The following SORCS2 variants were observed in gnomAD, a reference collection of about 807,000 sequenced individuals.
The protein encoded by SORCS2 is sortilin related VPS10 domain containing receptor 2.
In SORCS2, 100 loss-of-function variants were observed where a neutral mutation model predicts 141.6. The observed-to-expected ratio is 0.71, with a 90% confidence interval of 0.60 to 0.83. SORCS2 has a LOEUF of 0.83. Ranked by LOEUF, SORCS2 falls within the 40% of genes least tolerant of loss-of-function variation. The probability of loss-of-function intolerance (pLI) is 0.00; values close to 1 mark genes in which losing one functional copy is unlikely to be tolerated. For synonymous variants in SORCS2, 789 were observed against 676.9 expected, an observed-to-expected ratio of 1.17 and a Z score of -2.57; for missense variants, 1,646 against 1,560.2, an observed-to-expected ratio of 1.05 and a Z score of -0.93.
chr4:7,674,019 G>A (rs548740566), intron 8 of SORCS2, among the ~76,000 whole-genome samples: 1 of 152,202 alleles, frequency 6.6e-6, no homozygotes, highest in East Asian at 1.9e-4. Context: ...AGGGAGGAAG[G>A]GGGAGCTGAG....
intron 1 of SORCS2, among the ~76,000 whole-genome samples, chr4:7,379,156 C>T (rs556511453): frequency 4.0e-4 from 61 of 152,268 alleles, no homozygotes; most frequent in East Asian, 3.9e-3. Context: ...GAGGCACATC[C>T]GAGTATGGGC....
At chr4:7,514,970 T>C (rs935305887) in intron 2 of SORCS2, among the ~76,000 whole-genome samples, 3 of 152,108 alleles carry the variant, frequency 2.0e-5, no homozygotes, top group African/African-American at 4.8e-5. Context: ...CCAGGAATGG[T>C]CAGGGGCCAG....
rs1162081454 is a variant in SORCS2 at position 7,579,452 on chromosome 4, G to A, written c.648+47823G>A. 4.6e-5 allele frequency among the ~76,000 whole-genome samples: 7 copies of A among 152,124 alleles called. No homozygotes were observed. The East Asian group carries it at 1.4e-3, about 29-fold the overall frequency. On this transcript the variant is annotated intron_variant, in intron 3 of 26. Coordinates refer to ENST00000507866, the MANE Select transcript of SORCS2 (RefSeq NM_020777.3). ...AAATCCATGTATAGCTGAGCAAACT[G>A]AGGCTCAGAGAACTGATTCTCCCCC...
intron 1 of SORCS2, among the ~76,000 whole-genome samples, chr4:7,195,337 A>T (rs946983293): frequency 3.3e-5 from 5 of 152,176 alleles, no homozygotes; most frequent in Non-Finnish European, 5.9e-5. Flanking sequence ...GAGGTGTGGC[A>T]CACCGGGCAT....
chr4:7,646,726 A>G (rs910947062), intron 4 of SORCS2, among the ~76,000 whole-genome samples: 1 of 151,334 alleles, frequency 6.6e-6, no homozygotes, highest in Admixed American at 6.6e-5. Flanking sequence ...GGAGAAACCA[A>G]CCCTGCCGAT....
intron 2 of SORCS2, among the ~76,000 whole-genome samples, chr4:7,440,697 AC>A (rs959426404): frequency 6.6e-6 from 1 of 151,870 alleles, no homozygotes. Context: ...CTCCCTGCCC[AC>A]CCTCATGCTG....
At chr4:7,427,932 A>G (rs946593378) in intron 2 of SORCS2, among the ~76,000 whole-genome samples, 2 of 151,844 alleles carry the variant, frequency 1.3e-5, no homozygotes, top group African/African-American at 4.8e-5. Flanking sequence ...TCCGAACCAT[A>G]TCACCACCCC....
At chr4:7,421,303 G>A (rs1726030384) in intron 2 of SORCS2, among the ~76,000 whole-genome samples, 1 of 152,194 alleles carries the variant, frequency 6.6e-6, no homozygotes. Context: ...CTGCTCTAGA[G>A]GGATTGCATG....
intron 3 of SORCS2, among the ~76,000 whole-genome samples, chr4:7,615,226 C>A (rs1201442971): frequency 6.6e-6 from 1 of 152,214 alleles, no homozygotes; most frequent in Non-Finnish European, 1.5e-5. Context: ...CCTGGCACTG[C>A]TGTAGTTTCT....
rs1246133254 is a variant in SORCS2, at chr4:7,276,967, G to A, written c.480+83841G>A. On this transcript the variant is annotated intron_variant, in intron 1 of 26. Transcript: ENST00000507866. ...CTCTGAATCTCATGACCAGTGGGCC[G>A]TTCTGTCCACACTAGAGTGACCCTG... 7.2e-5 allele frequency among the ~76,000 whole-genome samples: 11 copies of A among 152,266 alleles called. No homozygotes were observed. In the East Asian group the frequency reaches 1.9e-3, roughly 27 times the overall value.
chr4:7,334,174 C>T (rs560281864), intron 1 of SORCS2, among the ~76,000 whole-genome samples: 140 of 152,278 alleles, frequency 9.2e-4, no homozygotes, highest in African/African-American at 3.3e-3. Flanking sequence ...AAGAAGGTGC[C>T]CACACAGGCA....
chr4:7,553,587 T>C (rs1009027146), intron 3 of SORCS2, among the ~76,000 whole-genome samples: 1 of 152,212 alleles, frequency 6.6e-6, no homozygotes, highest in African/African-American at 2.4e-5. Flanking sequence ...GGAAAACATC[T>C]CTTGCCAACA....
chr4:7,585,780 G>T (rs187497576), intron 3 of SORCS2, among the ~76,000 whole-genome samples: 73 of 152,316 alleles, frequency 4.8e-4, no homozygotes, highest in Non-Finnish European at 8.4e-4. Flanking sequence ...GGACGCATGT[G>T]GGGGAGCAGC....
chr4:7,617,348 A>T (rs918548033), intron 3 of SORCS2, among the ~76,000 whole-genome samples: 7 of 152,054 alleles, frequency 4.6e-5, no homozygotes, highest in East Asian at 3.9e-4. Flanking sequence ...TTATCCATCA[A>T]TATATGCACC....
rs1385183648 is a variant in SORCS2 at position 7,564,086 on chromosome 4, C to T, written c.648+32457C>T. On this transcript the variant is annotated intron_variant, in intron 3 of 26. Coordinates refer to ENST00000507866, the MANE Select transcript of SORCS2 (RefSeq NM_020777.3). Reference sequence around the variant, plus strand: ...AGTTGTTAGCTTCAGCCCAGGAAGACATTTCTAATGGGGATGGAGGGACAG... The same window carrying T: ...AGTTGTTAGCTTCAGCCCAGGAAGATATTTCTAATGGGGATGGAGGGACAG... 2.0e-5 allele frequency among the ~76,000 whole-genome samples: 3 copies of T among 152,200 alleles called. No homozygotes were observed. In the East Asian group the frequency reaches 5.8e-4, roughly 29 times the overall value.
At chr4:7,472,220 T>A (rs1730019741) in intron 2 of SORCS2, among the ~76,000 whole-genome samples, 1 of 152,006 alleles carries the variant, frequency 6.6e-6, no homozygotes, top group Non-Finnish European at 1.5e-5. Flanking sequence ...GACAGGTCCA[T>A]GGATGCATCG....
intron 9 of SORCS2, among the ~76,000 whole-genome samples, chr4:7,677,310 C>T (rs1723229777): frequency 6.6e-6 from 1 of 152,256 alleles, no homozygotes; most frequent in South Asian, 2.1e-4. Flanking sequence ...GCAGCCCCGC[C>T]CCGGCCAGGC....
chr4:7,259,562 T>A (rs551120168), intron 1 of SORCS2, among the ~76,000 whole-genome samples: 7 of 152,336 alleles, frequency 4.6e-5, no homozygotes, highest in African/African-American at 1.7e-4. Flanking sequence ...GCCCTTGGTG[T>A]GGCCCCTCCC....
intron 3 of SORCS2, among the ~76,000 whole-genome samples, chr4:7,576,713 G>A (rs923084564): frequency 2.6e-5 from 4 of 152,176 alleles, no homozygotes; most frequent in South Asian, 4.1e-4. Context: ...TACTGTGGGC[G>A]GGGAGGTTCC....
Sources: allele counts gnomAD v4.1 joint callset (sites outside exome capture counted in the v4.1 genomes callset), GRCh38; gene constraint gnomAD v4.1.1; transcripts MANE v1.5; gene names NCBI Gene and HGNC (gene_info 2026-07-23, HGNC 2026-07-21).